Variants in LXN observed in about 807,000 individuals in gnomAD.
The protein encoded by LXN is latexin, also known as MUM.
LXN carries 28 observed loss-of-function variants against 29.8 expected under a neutral mutation model. The observed-to-expected ratio is 0.94, with a 90% CI of 0.70 to 1.29. The LOEUF is 1.29. Ranked by LOEUF, LXN falls within the 50% of genes most tolerant of loss-of-function variation. The pLI, the probability that LXN is intolerant of heterozygous loss-of-function variation, is 0.00. For missense variants in LXN, 227 were observed against 261.7 expected, an observed-to-expected ratio of 0.87 and a Z score of 0.92; for synonymous variants, 77 against 89.6, an observed-to-expected ratio of 0.86 and a Z score of 0.80.
At chr3:158,671,832 C>T (rs1300571379) in intron 1 of LXN, among the ~76,000 whole-genome samples, 2 of 152,168 alleles carry the variant, frequency 1.3e-5, no homozygotes, top group Non-Finnish European at 2.9e-5. Context: ...GGCTAAAGGC[C>T]AGCGTCAGCC....
At chr3:158,672,181 TC>T (rs890912362) in intron 1 of LXN, among the ~76,000 whole-genome samples, 168 bp downstream of exon 1, 1 of 152,088 alleles carries the variant, frequency 6.6e-6, no homozygotes, top group African/African-American at 2.4e-5. Flanking sequence ...GTATAGACAT[TC>T]CCCCAGAAAC....
Position 158,666,600 on chromosome 3 carries a change from T to G in LXN, c.*46A>C, listed in dbSNP as rs375907132. 1.3e-6 allele frequency: 2 copies of G among 1,523,288 alleles called. No homozygotes were observed. Among genetic ancestry groups the G allele is most frequent in the Non-Finnish European group, 1.8e-6 (2 of 1,099,730 alleles). 94.4% of individuals were successfully genotyped at this position (1,523,288 alleles called of 1,614,324 possible). A position where few individuals can be genotyped will look rare whatever the true frequency, so the allele number is the denominator to read the frequency against. On this transcript the variant is annotated 3_prime_UTR_variant, in exon 6 of 6. Transcript: ENST00000264265. Reference sequence around the variant, plus strand: ...AAGCTAGATGCCAGTGAAATTGGCATACACATCAATAGACATGTTTACACT... The same window carrying G: ...AAGCTAGATGCCAGTGAAATTGGCAGACACATCAATAGACATGTTTACACT...
chr3:158,671,635 C>T (rs895603426), intron 1 of LXN, among the ~76,000 whole-genome samples: 1 of 152,158 alleles, frequency 6.6e-6, no homozygotes, highest in Non-Finnish European at 1.5e-5. Flanking sequence ...TCTACTGTGT[C>T]ACCTCTAAAA....
chr3:158,666,743 T>A lies in LXN; in HGVS notation c.572A>T (p.Glu191Val), dbSNP rs1170855976. The change falls in exon 6 of 6, where the codon GAG (glutamate) becomes GTG (valine). Residue 191 changes from glutamate (E) to valine (V), a missense_variant and splice_region_variant. Coordinates refer to ENST00000264265, the MANE Select transcript of LXN (RefSeq NM_020169.4). ...AACTTGCATTTGCCAGGGAATAATCTCCTGCAAGTGAAGAAAATTAATGCC... is the reference window on the plus strand; with the variant it reads ...AACTTGCATTTGCCAGGGAATAATCACCTGCAAGTGAAGAAAATTAATGCC... Reference protein sequence around the residue: ...TILLHNIASQEIIPWQMQVLW... With the variant: ...TILLHNIASQVIIPWQMQVLW... 2 of 1,610,922 alleles carry A rather than the reference T, an allele frequency of 1.2e-6. No homozygotes were observed. The highest frequency in any genetic ancestry group is 8.5e-7 in the Non-Finnish European group (1 of 1,177,298).
chr3:158,669,743 A>G, intron 2 of LXN, 133 bp from the exon 3 acceptor site: 1 of 814,920 alleles, frequency 1.2e-6, no homozygotes, highest in South Asian at 1.7e-5. Context: ...GCTTGTTTTC[A>G]GAGGTATCTA....
chr3:158,672,509 C>T lies in LXN; in HGVS notation c.-31G>A. ...ATGAGCAGTGACTTCAGGGCTTGGG[C>T]TACTCTGGCTTAACGGGACCAGTAG... On this transcript the variant is annotated 5_prime_UTR_variant, in exon 1 of 6. Coordinates refer to ENST00000264265, the MANE Select transcript of LXN (RefSeq NM_020169.4). 1.2e-6 allele frequency: 2 copies of T among 1,612,522 alleles called. No individual in the cohort carries two copies. The highest frequency in any genetic ancestry group is 1.1e-5 in the South Asian group (1 of 90,954).
rs372262936 is a variant in LXN at position 158,666,463 on chromosome 3, T to G, written c.*183A>C. On this transcript the variant is annotated 3_prime_UTR_variant, in exon 6 of 6. Transcript: ENST00000264265. ...TTTTGGATATACATACCACTATTAC[T>G]GTTTTAAAGACATTTTTATGTAGTG... is the stretch of plus-strand genomic sequence containing the variant. 1.6e-6 allele frequency: 2 copies of G among 1,276,860 alleles called. No individual in the cohort carries two copies. Among genetic ancestry groups the G allele is most frequent in the East Asian group, 2.3e-5 (1 of 43,020 alleles). The allele number at this position is 1,276,860 out of a possible 1,614,324, so 79.1% of individuals were successfully genotyped here.
rs548977319 is a variant in LXN at position 158,672,548 on chromosome 3, G to A, written c.-70C>T. ...CGGGACCAGTAGCAGAGCGCCGCCCGTCCTGCTTGCTGCTGGGTCCGGTTG... is the reference window on the plus strand; with the variant it reads ...CGGGACCAGTAGCAGAGCGCCGCCCATCCTGCTTGCTGCTGGGTCCGGTTG... On this transcript the variant is annotated 5_prime_UTR_variant, in exon 1 of 6. It adds an upstream start codon to the 5' untranslated region. Coordinates refer to ENST00000264265, the MANE Select transcript of LXN (RefSeq NM_020169.4). 1,674 of 1,587,178 alleles carry A rather than the reference G, an allele frequency of 1.1e-3. 2 individuals are homozygous for A. Among genetic ancestry groups the A allele is most frequent in the Admixed American group, 1.9e-3 (110 of 59,118 alleles).
chr3:158,671,722 A>C (rs1724334490), intron 1 of LXN, among the ~76,000 whole-genome samples: 1 of 152,222 alleles, frequency 6.6e-6, no homozygotes. Context: ...AAATGAAAAC[A>C]AACCTCGTTA....
intron 4 of LXN, among the ~76,000 whole-genome samples, chr3:158,667,342 G>C (rs1156565930): frequency 6.6e-6 from 1 of 152,096 alleles, no homozygotes; most frequent in Non-Finnish European, 1.5e-5. Context: ...AGTTGTGGTG[G>C]CTACTTAAGA....
rs1032010806 is a variant in LXN at position 158,672,299 on chromosome 3, G to A, written c.129+51C>T. 2.5e-6 allele frequency: 4 copies of A among 1,603,788 alleles called. No homozygotes were observed. The African/African-American group carries it at 5.4e-5, about 21-fold the overall frequency. On this transcript the variant is annotated intron_variant, in intron 1 of 5. Coordinates refer to ENST00000264265, the MANE Select transcript of LXN (RefSeq NM_020169.4). Reference sequence around the variant, plus strand: ...AAGGCTGAGACCGCGGGTGAGTGGAGGGAGCGCAATCCTGAAGCCTCTGCT... The same window carrying A: ...AAGGCTGAGACCGCGGGTGAGTGGAAGGAGCGCAATCCTGAAGCCTCTGCT...
In LXN at chr3:158,672,524, G is replaced by C. The variant is rs1724441370; in HGVS notation, c.-46C>G. 9 of 1,609,440 alleles carry C rather than the reference G, an allele frequency of 5.6e-6. No individual in the cohort carries two copies. The highest frequency in any genetic ancestry group is 7.6e-6 in the Non-Finnish European group (9 of 1,177,412). ...AGGGCTTGGGCTACTCTGGCTTAAC[G>C]GGACCAGTAGCAGAGCGCCGCCCGT... On this transcript the variant is annotated 5_prime_UTR_variant, in exon 1 of 6. Coordinates refer to ENST00000264265, the MANE Select transcript of LXN (RefSeq NM_020169.4).
At chr3:158,671,059 TAAC>T in intron 1 of LXN, 40 bp from the exon 2 acceptor site, 2 of 1,471,854 alleles carry the variant, frequency 1.4e-6, no homozygotes, top group Non-Finnish European at 1.8e-6. Flanking sequence ...GAAAATATTA[TAAC>T]AACATTATAC....
intron 2 of LXN, among the ~76,000 whole-genome samples, chr3:158,670,249 T>C (rs1724147919): frequency 6.6e-6 from 1 of 152,216 alleles, no homozygotes; most frequent in Admixed American, 6.5e-5. Context: ...AAAATTTCCC[T>C]TCCCCATTAC....
At chr3:158,672,318 C>T in intron 1 of LXN, 32 bp downstream of exon 1, 1 of 1,611,404 alleles carries the variant, frequency 6.2e-7, no homozygotes, top group Non-Finnish European at 8.5e-7. Flanking sequence ...ATCCTGAAGC[C>T]TCTGCTGTCC....
rs1724433672 is a variant in LXN, at chr3:158,672,472, T to C, written c.7A>G (p.Ile3Val). The change falls in exon 1 of 6, where the codon ATC becomes GTC. Residue 3 changes from isoleucine (I) to valine (V), a missense_variant. By Grantham distance (29) the Ile-to-Val change is conservative. Coordinates refer to ENST00000264265, the MANE Select transcript of LXN (RefSeq NM_020169.4). ME[I>V]PPTNYPASRA... ...GAGGCTGGGTAGTTGGTCGGCGGGATTTCCATTCCGGATGAGCAGTGACTT... is the reference window on the plus strand; with the variant it reads ...GAGGCTGGGTAGTTGGTCGGCGGGACTTCCATTCCGGATGAGCAGTGACTT... The C allele has an allele frequency of 6.2e-7, 1 of 1,613,942 alleles. No individual in the cohort carries two copies.
Position 158,672,548 on chromosome 3 carries a change from G to C in LXN, c.-70C>G. On this transcript the variant is annotated 5_prime_UTR_variant, in exon 1 of 6. Coordinates refer to ENST00000264265, the MANE Select transcript of LXN (RefSeq NM_020169.4). ...CGGGACCAGTAGCAGAGCGCCGCCC[G>C]TCCTGCTTGCTGCTGGGTCCGGTTG... The C allele has an allele frequency of 1.9e-6, 3 of 1,587,186 alleles. No homozygotes were observed. The highest frequency in any genetic ancestry group is 2.6e-6 in the Non-Finnish European group (3 of 1,162,738).
intron 5 of LXN, 104 bp from the exon 6 acceptor site, chr3:158,666,848 T>A: frequency 7.1e-7 from 1 of 1,413,642 alleles, no homozygotes; most frequent in East Asian, 2.4e-5. Context: ...TCACAAAGAA[T>A]AGTACTTTTG....
chr3:158,669,158 A>C, intron 3 of LXN, 26 bp from the exon 4 acceptor site: 1 of 1,574,808 alleles, frequency 6.3e-7, no homozygotes, highest in Non-Finnish European at 8.7e-7. Flanking sequence ...TTTATATGAT[A>C]ATCATATATA....
Sources: gnomAD v4.1 joint callset for allele counts (sites outside exome capture counted in the v4.1 genomes callset) on GRCh38, gnomAD v4.1.1 for gene constraint, MANE v1.5 for transcripts, NCBI Gene and HGNC (gene_info 2026-07-23, HGNC 2026-07-21) for gene names.